Variants in NEBL observed in about 807,000 individuals in gnomAD.
The protein encoded by NEBL is nebulette, also known as LIM and SH3 protein 2.
A neutral mutation model predicts 140.2 loss-of-function variants in NEBL; 122 were observed. That is an observed-to-expected ratio of 0.87 (90% CI 0.75 to 1.01). NEBL has a LOEUF of 1.01. Ranked by LOEUF, NEBL falls within the 50% of genes least tolerant of loss-of-function variation. The pLI is 0.00. For missense variants in NEBL, 1,365 were observed against 1,231.3 expected (o/e 1.11, Z -1.62); for synonymous variants, 436 against 398.9 (o/e 1.09, Z -1.11).
intron 3 of NEBL, among the ~76,000 whole-genome samples, chr10:20,982,417 G>A (rs770355913): frequency 2.0e-5 from 3 of 152,062 alleles, no homozygotes; most frequent in Admixed American, 6.6e-5. Flanking sequence ...ATTTGCTGGG[G>A]TGTTACTATT....
At chr10:20,901,939 A>C (rs1203955833), upstream of NEBL, among the ~76,000 whole-genome samples, 1 of 152,216 alleles carries the variant, frequency 6.6e-6, no homozygotes, top group Non-Finnish European at 1.5e-5. Flanking sequence ...TGTCTCCTTT[A>C]TAAAAGAGAA....
intron 2 of NEBL, among the ~76,000 whole-genome samples, chr10:21,139,855 G>A (rs2132092853): frequency 6.6e-6 from 1 of 152,100 alleles, no homozygotes; most frequent in Middle Eastern, 3.4e-3. Context: ...AGGGATTAAA[G>A]TATATGGAAC....
intron 19 of NEBL, among the ~76,000 whole-genome samples, chr10:20,821,787 C>T (rs1374630617): frequency 6.6e-6 from 1 of 152,118 alleles, no homozygotes; most frequent in Non-Finnish European, 1.5e-5. Flanking sequence ...TGATCTGTAT[C>T]TCAACTTCCC....
rs1840268896 is a variant in NEBL, at chr10:20,830,170, C to T, written c.1671+1026G>A. Among the ~76,000 whole-genome samples the T allele has an allele frequency of 2.6e-5, 4 of 152,212 alleles. No homozygotes were observed. In the South Asian group the frequency reaches 8.3e-4, roughly 32 times the overall value. ...GACATTTGACTCTGCCATCTTGATA[C>T]TACCCTTTTGAACTAGTGGATGGTT... On this transcript the variant is annotated intron_variant, in intron 16 of 27. Coordinates refer to ENST00000377122, the MANE Select transcript of NEBL (RefSeq NM_006393.3).
At chr10:21,205,052 G>A (rs1003809102) in intron 3 of NEBL, among the ~76,000 whole-genome samples, 1 of 152,160 alleles carries the variant, frequency 6.6e-6, no homozygotes, top group African/African-American at 2.4e-5. Flanking sequence ...TCTGTTGTTT[G>A]CAACTAAGAA....
chr10:21,044,641 C>T (rs1834431213), intron 2 of NEBL, among the ~76,000 whole-genome samples: 1 of 152,084 alleles, frequency 6.6e-6, no homozygotes, highest in Non-Finnish European at 1.5e-5. Flanking sequence ...CAAACAAATC[C>T]ATTTGCTTTT....
At chr10:21,155,827 G>A (rs1024274225) in intron 2 of NEBL, among the ~76,000 whole-genome samples, 1 of 152,152 alleles carries the variant, frequency 6.6e-6, no homozygotes, top group Non-Finnish European at 1.5e-5. Context: ...ATTGAGCTGT[G>A]CCCAGTTCTT....
chr10:21,244,996 A>C (rs996571749), intron 3 of NEBL, among the ~76,000 whole-genome samples: 7 of 151,800 alleles, frequency 4.6e-5, no homozygotes, highest in Admixed American at 2.6e-4. Context: ...GTCTCTAAAA[A>C]AAAAAAAAAA....
In NEBL at chr10:21,227,644, C is replaced by T. The variant is rs192873567; in HGVS notation, n.348+20277G>A. ...ATATTGCACTAAGGGAATTCAAAAG[C>T]ACTTGAAGTTTCTTCTTCTTCTTCT... On this transcript the variant is annotated intron_variant and non_coding_transcript_variant, in intron 3 of 8. Coordinates refer to the NEBL transcript ENST00000675702. Among the ~76,000 whole-genome samples the T allele has an allele frequency of 1.7e-3, 257 of 149,708 alleles. 1 individual carries two copies. Among genetic ancestry groups the T allele is most frequent in the Non-Finnish European group, 3.4e-3 (226 of 67,156 alleles).
chr10:21,104,275 T>C (rs932098627), intron 2 of NEBL, among the ~76,000 whole-genome samples: 4 of 152,228 alleles, frequency 2.6e-5, no homozygotes, highest in African/African-American at 9.6e-5. Flanking sequence ...CAAAGAGCCT[T>C]CTGGAATTTC....
At chr10:21,042,298 G>A (rs1228100286) in intron 2 of NEBL, among the ~76,000 whole-genome samples, 1 of 152,178 alleles carries the variant, frequency 6.6e-6, no homozygotes, top group Non-Finnish European at 1.5e-5. Context: ...GCTAGTGAGT[G>A]TTGGATCCAA....
At chr10:20,816,348 G>A (rs1346745448) in intron 21 of NEBL, among the ~76,000 whole-genome samples, 2 of 152,198 alleles carry the variant, frequency 1.3e-5, no homozygotes, top group Non-Finnish European at 2.9e-5. Flanking sequence ...GTACTACATG[G>A]TCGTGGTTTC....
At chr10:21,037,619 A>C (rs1589161260) in intron 2 of NEBL, among the ~76,000 whole-genome samples, 1 of 152,324 alleles carries the variant, frequency 6.6e-6, no homozygotes, top group East Asian at 1.9e-4. Flanking sequence ...TGATTGTGGC[A>C]GTGGTTACTC....
chr10:21,157,214 CT>C (rs1005799861), intron 2 of NEBL, among the ~76,000 whole-genome samples: 30 of 149,164 alleles, frequency 2.0e-4, no homozygotes, highest in South Asian at 1.1e-3. Flanking sequence ...TATTCCTTCA[CT>C]TTTTTTTTTA....
At chr10:21,160,482 G>A (rs908932049) in intron 2 of NEBL, among the ~76,000 whole-genome samples, 1 of 152,160 alleles carries the variant, frequency 6.6e-6, no homozygotes, top group Admixed American at 6.5e-5. Flanking sequence ...CTAATATGGT[G>A]TTTCTATTCC....
intron 2 of NEBL, among the ~76,000 whole-genome samples, chr10:21,021,875 G>T (rs998335886): frequency 6.6e-6 from 1 of 152,146 alleles, no homozygotes; most frequent in South Asian, 2.1e-4. Flanking sequence ...GTAAATACTT[G>T]TGGACAGAAG....
chr10:21,287,767 C>T (rs146660318), intron 1 of NEBL, among the ~76,000 whole-genome samples: 207 of 152,000 alleles, frequency 1.4e-3, no homozygotes, highest in African/African-American at 4.8e-3. Context: ...ATCTAGAAGA[C>T]AAATAACGAC....
intron 4 of NEBL, among the ~76,000 whole-genome samples, chr10:20,904,102 C>A (rs185524574): frequency 6.6e-6 from 1 of 152,024 alleles, no homozygotes; most frequent in African/African-American, 2.4e-5. Context: ...AAGTTATGTG[C>A]ATGTGTTCTC....
At chr10:20,891,283 G>A (rs1847005288) in intron 2 of NEBL, among the ~76,000 whole-genome samples, 2 of 152,114 alleles carry the variant, frequency 1.3e-5, no homozygotes, top group Non-Finnish European at 1.5e-5. Flanking sequence ...TCTTATCTGA[G>A]CACTAAATTA....
Sources: gnomAD v4.1 joint callset for allele counts (sites outside exome capture counted in the v4.1 genomes callset) on GRCh38, gnomAD v4.1.1 for gene constraint, MANE v1.5 for transcripts, NCBI Gene and HGNC (gene_info 2026-07-23, HGNC 2026-07-21) for gene names.